The following GSE1 variants were observed in gnomAD, a reference collection of about 807,000 sequenced individuals.
GSE1 encodes genetic suppressor element 1.
In GSE1, 32 loss-of-function variants were observed where a neutral mutation model predicts 112.6. The ratio of observed to expected loss-of-function variants is 0.28; its 90% CI spans 0.21 to 0.38. The LOEUF (loss-of-function observed/expected upper bound fraction) is 0.38, where lower values mean the gene tolerates loss of function less well. Among genes scored for constraint, GSE1 ranks in the 10% least tolerant of loss-of-function variants. The probability of loss-of-function intolerance (pLI) is 1.00; values close to 1 mark genes in which losing one functional copy is unlikely to be tolerated. For synonymous variants in GSE1, 1,115 were observed against 735.6 expected (o/e 1.52, Z -8.35); for missense variants, 2,348 against 1,699.2 (o/e 1.38, Z -6.71).
upstream of GSE1, among the ~76,000 whole-genome samples, chr16:85,608,892 T>C (rs894257844): frequency 7.9e-5 from 12 of 152,342 alleles, no homozygotes; most frequent in African/African-American, 2.6e-4. Context: ...GAAGGTGACA[T>C]GCAGTTCCTA....
chr16:85,585,682 G>A (rs778985887), intron 1 of GSE1, among the ~76,000 whole-genome samples: 63 of 152,240 alleles, frequency 4.1e-4, no homozygotes, highest in Admixed American at 1.2e-3. Flanking sequence ...TTCCTGCATG[G>A]CCATGGGCAA....
intron 1 of GSE1, among the ~76,000 whole-genome samples, chr16:85,327,252 C>T (rs1175203501): frequency 1.3e-5 from 2 of 152,232 alleles, no homozygotes; most frequent in African/African-American, 4.8e-5. Context: ...GTGCTATTAG[C>T]AGATGCAGAC....
At chr16:85,241,197 C>T (rs554184517) in intron 1 of GSE1, among the ~76,000 whole-genome samples, 1 of 152,124 alleles carries the variant, frequency 6.6e-6, no homozygotes, top group Non-Finnish European at 1.5e-5. Context: ...GGCTGCGAGA[C>T]CTTGGGCTCG....
At chr16:85,539,132 T>C (rs1464911683) in intron 2 of GSE1, among the ~76,000 whole-genome samples, 1 of 152,238 alleles carries the variant, frequency 6.6e-6, no homozygotes, top group East Asian at 1.9e-4. Context: ...AGTTTATTTA[T>C]GTATGGACCC....
At chr16:85,478,004 C>G (rs980266720) in intron 2 of GSE1, among the ~76,000 whole-genome samples, 3 of 152,172 alleles carry the variant, frequency 2.0e-5, no homozygotes, top group Admixed American at 1.3e-4. Context: ...GAATCCCCCT[C>G]CCCATTAGCG....
Position 85,266,946 on chromosome 16 carries a change from C to T in GSE1, c.2284-90517C>T, listed in dbSNP as rs562879412. Among the ~76,000 whole-genome samples, 107 of 152,296 alleles carry T rather than the reference C, an allele frequency of 7.0e-4. 1 individual carries two copies. Among genetic ancestry groups the T allele is most frequent in the Admixed American group, 2.0e-3 (31 of 15,298 alleles). ...TTCTGGACATCTGGTGCCTGCTCAGCGCGGGGACAGGAGGGAGCCTGCAGG... is the reference window on the plus strand; with the variant it reads ...TTCTGGACATCTGGTGCCTGCTCAGTGCGGGGACAGGAGGGAGCCTGCAGG... On this transcript the variant is annotated intron_variant, in intron 1 of 2. Coordinates refer to the GSE1 transcript ENST00000637419.
intron 1 of GSE1, among the ~76,000 whole-genome samples, chr16:85,265,871 G>C (rs1033799441): frequency 5.3e-5 from 8 of 152,146 alleles, no homozygotes; most frequent in Non-Finnish European, 7.4e-5. Flanking sequence ...CCAGGTCCAC[G>C]GTCACAGGGC....
intron 1 of GSE1, chr16:85,595,560 C>T (rs1011559044): frequency 1.3e-5 from 2 of 152,180 alleles, no homozygotes; most frequent in African/African-American, 4.8e-5. Flanking sequence ...GTTGAGGAGC[C>T]TCTAGGACAC....
At chr16:85,425,234 C>T (rs1276804391) in intron 2 of GSE1, among the ~76,000 whole-genome samples, 2 of 148,442 alleles carry the variant, frequency 1.3e-5, no homozygotes. Flanking sequence ...GGCATTTCAA[C>T]AGAGAGGATT....
chr16:85,182,646 C>T (rs1275261235), intron 1 of GSE1, among the ~76,000 whole-genome samples: 2 of 152,188 alleles, frequency 1.3e-5, no homozygotes, highest in Non-Finnish European at 2.9e-5. Flanking sequence ...GACTGCTCAC[C>T]TGTCTCTTGG....
At chr16:85,214,235 G>A (rs1597815438) in intron 1 of GSE1, among the ~76,000 whole-genome samples, 1 of 151,836 alleles carries the variant, frequency 6.6e-6, no homozygotes, top group Non-Finnish European at 1.5e-5. Context: ...GACTATGCTG[G>A]GGTGAGGGCC....
intron 2 of GSE1, among the ~76,000 whole-genome samples, chr16:85,476,581 C>T (rs1490545889): frequency 6.6e-6 from 1 of 151,996 alleles, no homozygotes; most frequent in South Asian, 2.1e-4. Context: ...ACGTGCTGTT[C>T]CCACTGCCTG....
intron 1 of GSE1, among the ~76,000 whole-genome samples, chr16:85,258,108 T>G (rs1907273338): frequency 6.6e-6 from 1 of 152,160 alleles, no homozygotes; most frequent in South Asian, 2.1e-4. Flanking sequence ...GGTGAGGATC[T>G]CAATTGAGGG....
chr16:85,292,719 C>T (rs2045258664), intron 1 of GSE1, among the ~76,000 whole-genome samples: 1 of 152,176 alleles, frequency 6.6e-6, no homozygotes, highest in South Asian at 2.1e-4. Flanking sequence ...CTCGACCTCC[C>T]AAAGTGCTGG....
chr16:85,263,852 C>A (rs1354907412), intron 1 of GSE1, among the ~76,000 whole-genome samples: 2 of 152,198 alleles, frequency 1.3e-5, no homozygotes, highest in South Asian at 2.1e-4. Flanking sequence ...GGATTCCAGG[C>A]ATAAGCTGCC....
At chr16:85,204,593 C>T (rs2075083520) in intron 1 of GSE1, among the ~76,000 whole-genome samples, 1 of 152,216 alleles carries the variant, frequency 6.6e-6, no homozygotes, top group Admixed American at 6.5e-5. Context: ...TTGTTATTTG[C>T]CTTTCTGATT....
intron 2 of GSE1, among the ~76,000 whole-genome samples, chr16:85,501,301 C>T (rs2051359210): frequency 6.6e-6 from 1 of 151,860 alleles, no homozygotes; most frequent in African/African-American, 2.4e-5. Context: ...CGCACCCAGC[C>T]AAGTATGGCC....
intron 1 of GSE1, among the ~76,000 whole-genome samples, chr16:85,622,020 G>C (rs923550517): frequency 6.6e-6 from 1 of 152,192 alleles, no homozygotes; most frequent in Non-Finnish European, 1.5e-5. Flanking sequence ...AAATTTACTA[G>C]TTCCTCACTG....
At chr16:85,308,566 C>G (rs963154600) in intron 1 of GSE1, among the ~76,000 whole-genome samples, 1 of 152,162 alleles carries the variant, frequency 6.6e-6, no homozygotes, top group Admixed American at 6.5e-5. Flanking sequence ...GCAATCCACT[C>G]TGAACAGGAA....
Sources: allele counts gnomAD v4.1 joint callset (sites outside exome capture counted in the v4.1 genomes callset), GRCh38; gene constraint gnomAD v4.1.1; transcripts MANE v1.5; gene names NCBI Gene and HGNC (gene_info 2026-07-23, HGNC 2026-07-21).